The following FBXO47 variants were observed in gnomAD, a reference collection of about 807,000 sequenced individuals.
FBXO47 encodes F-box protein 47.
In FBXO47, 34 loss-of-function variants were observed where a neutral mutation model predicts 53.9. The observed-to-expected ratio is 0.63, with a 90% CI of 0.48 to 0.84. The LOEUF (loss-of-function observed/expected upper bound fraction) is 0.84, where lower values mean the gene tolerates loss of function less well. Among genes scored for constraint, FBXO47 ranks in the 40% least tolerant of loss-of-function variants. The pLI, the probability that FBXO47 is intolerant of heterozygous loss-of-function variation, is 0.00. For missense variants in FBXO47, 485 were observed against 541.3 expected (o/e 0.90, Z 1.03); for synonymous variants, 165 against 181.6 (o/e 0.91, Z 0.73).
At chr17:38,954,765 CTTTA>C in intron 5 of FBXO47, 87 bp downstream of exon 5, 1 of 672,668 alleles carries the variant, frequency 1.5e-6, no homozygotes. Flanking sequence ...ATTATTATAA[CTTTA>C]TTAACCTATG....
At chr17:38,941,509 G>A in intron 9 of FBXO47, among the ~76,000 whole-genome samples, 1 of 150,714 alleles carries the variant, frequency 6.6e-6, no homozygotes, top group Admixed American at 6.6e-5. Context: ...GGGTCTTGCT[G>A]TGTTTTCCAG....
At chr17:38,954,667 C>G (rs888623621) in intron 5 of FBXO47, among the ~76,000 whole-genome samples, 189 bp downstream of exon 5, 7 of 152,066 alleles carry the variant, frequency 4.6e-5, no homozygotes, top group Admixed American at 3.3e-4. Flanking sequence ...TTTTTTACCA[C>G]TGAGAAACTC....
chr17:38,965,392 A>T (rs952887134), intron 1 of FBXO47, among the ~76,000 whole-genome samples: 1 of 152,198 alleles, frequency 6.6e-6, no homozygotes, highest in African/African-American at 2.4e-5. Flanking sequence ...ATTGTTACTT[A>T]TACATCTTGA....
At chr17:38,952,053 G>A (rs1413931001) in intron 5 of FBXO47, among the ~76,000 whole-genome samples, 1 of 151,618 alleles carries the variant, frequency 6.6e-6, no homozygotes, top group Non-Finnish European at 1.5e-5. Flanking sequence ...CAGGCCGGGT[G>A]CGGTGGCTCA....
rs555133105 is a variant in FBXO47 at position 38,945,233 on chromosome 17, G to A, written c.617-97C>T. 47 of 832,168 alleles carry A rather than the reference G, an allele frequency of 5.6e-5. No homozygotes were observed. In the African/African-American group the frequency reaches 7.3e-4, roughly 13 times the overall value. 51.5% of individuals were successfully genotyped at this position (832,168 alleles called of 1,614,324 possible). On this transcript the variant is annotated intron_variant, in intron 6 of 10. Coordinates refer to ENST00000378079, the MANE Select transcript of FBXO47 (RefSeq NM_001008777.3). ...CAACTTATTAATCATTATGGTTAGT[G>A]ATAGTAAACTAGGTTTCTAAACAGG...
intron 6 of FBXO47, among the ~76,000 whole-genome samples, chr17:38,945,851 G>C (rs1398882500): frequency 1.3e-5 from 2 of 149,204 alleles, no homozygotes; most frequent in African/African-American, 2.5e-5. Flanking sequence ...CAGGAGAATG[G>C]CGTTAACCCG....
rs1318985991 is a variant in FBXO47, at chr17:38,938,634, C to T, written c.1182G>A (p.Leu394=). 1 of 1,613,714 alleles carries T rather than the reference C, an allele frequency of 6.2e-7. No homozygotes were observed. Among genetic ancestry groups the T allele is most frequent in the Non-Finnish European group, 8.5e-7 (1 of 1,179,814 alleles). The change falls in exon 10 of 11, where the codon CTG becomes CTA. Residue 394 remains leucine, a synonymous_variant. Transcript: ENST00000378079. ...ATGCAAATGCATTTGCCACATTCTG[C>T]AGGAAGTTCTTTCTTTCCACTGGAG... The part of the protein sequence containing the change: ...FSTPVERKNF[L]QNVANAFACV...
At chr17:38,943,328 G>C (rs1394734633) in intron 8 of FBXO47, among the ~76,000 whole-genome samples, 2 of 152,014 alleles carry the variant, frequency 1.3e-5, no homozygotes, top group African/African-American at 4.8e-5. Flanking sequence ...TACAACATGG[G>C]AGTAATTGAG....
chr17:38,962,369 A>T (rs1905854129), intron 2 of FBXO47, among the ~76,000 whole-genome samples: 1 of 152,150 alleles, frequency 6.6e-6, no homozygotes, highest in African/African-American at 2.4e-5. Context: ...TAATCCCAGT[A>T]CTTTGGGAGG....
At chr17:38,963,191 T>C (rs1905909426) in intron 1 of FBXO47, 140 bp from the exon 2 acceptor site, 2 of 546,710 alleles carry the variant, frequency 3.7e-6, no homozygotes, top group Non-Finnish European at 6.4e-6. Flanking sequence ...TTTTGGTTTT[T>C]TTTTGAGACG....
At chr17:38,958,231 C>T (rs578167021) in intron 3 of FBXO47, among the ~76,000 whole-genome samples, 1 of 152,252 alleles carries the variant, frequency 6.6e-6, no homozygotes, top group African/African-American at 2.4e-5. Context: ...ATCCTTCCAC[C>T]TTGACCTCCC....
chr17:38,944,375 T>C (rs2143897042), intron 7 of FBXO47, among the ~76,000 whole-genome samples: 1 of 151,676 alleles, frequency 6.6e-6, no homozygotes, highest in Admixed American at 6.6e-5. Flanking sequence ...GAGACCATCC[T>C]GGATAACACG....
intron 8 of FBXO47, among the ~76,000 whole-genome samples, chr17:38,943,239 A>C (rs1451251964): frequency 1.3e-5 from 2 of 152,228 alleles, no homozygotes; most frequent in Admixed American, 1.3e-4. Flanking sequence ...TTATGCAGGA[A>C]TAGGAATAAT....
rs117689087 is a variant in FBXO47, at chr17:38,949,119, T to C, written c.616+2462A>G. ...TTTTGGCTACTATGAATAATGCTGC[T>C]ATTAACATTCATGTAGGCCAGGCAT... On this transcript the variant is annotated intron_variant, in intron 6 of 10. Coordinates refer to ENST00000378079, the MANE Select transcript of FBXO47 (RefSeq NM_001008777.3). Among the ~76,000 whole-genome samples the C allele has an allele frequency of 6.2e-3, 938 of 152,216 alleles. 4 individuals carry two copies. Among genetic ancestry groups the C allele is most frequent in the Non-Finnish European group, 0.01 (712 of 68,014 alleles).
chr17:38,950,735 A>C (rs536852967), intron 6 of FBXO47, among the ~76,000 whole-genome samples: 44 of 152,174 alleles, frequency 2.9e-4, no homozygotes, highest in Non-Finnish European at 4.4e-4. Flanking sequence ...AGGATGCTAT[A>C]ATGAGCTCCT....
At chr17:38,943,038 T>C (rs1904583055) in intron 8 of FBXO47, 118 bp from the exon 9 acceptor site, 4 of 956,688 alleles carry the variant, frequency 4.2e-6, no homozygotes, top group Non-Finnish European at 6.1e-6. Flanking sequence ...CCAAGGGAAA[T>C]GCTCAGAAAA....
intron 6 of FBXO47, among the ~76,000 whole-genome samples, chr17:38,946,295 AAAATATATATAAATATAT>A (rs1392132435): frequency 0.29 from 21,816 of 75,952 alleles, 3,903 homozygotes; most frequent in South Asian, 0.36. Flanking sequence ...TAAATATATA[AAAATATATATAAATATAT>A]AAATATATAT....
chr17:38,943,568 T>C, intron 8 of FBXO47, 22 bp downstream of exon 8: 2 of 1,440,234 alleles, frequency 1.4e-6, no homozygotes, highest in Non-Finnish European at 1.9e-6. Flanking sequence ...TATTATTCTA[T>C]GTTAGTAAAT....
chr17:38,961,918 C>T lies in FBXO47; in HGVS notation c.311G>A (p.Arg104Lys). 6.2e-7 allele frequency: 1 copy of T among 1,614,044 alleles called. No homozygotes were observed. Among genetic ancestry groups the T allele is most frequent in the Non-Finnish European group, 8.5e-7 (1 of 1,179,980 alleles). The change falls in exon 3 of 11, where the codon AGG (arginine) becomes AAG (lysine). Residue 104 changes from arginine (R) to lysine (K), a missense_variant. Physicochemically the swap from Arg to Lys is conservative, Grantham distance 26 (BLOSUM62 2). Transcript: ENST00000378079. ...CTCCAGTATAGCAGAGTCTTGTCTCCTGTCAGGCAGCTCAAGGTTATGAAA... is the reference window on the plus strand; with the variant it reads ...CTCCAGTATAGCAGAGTCTTGTCTCTTGTCAGGCAGCTCAAGGTTATGAAA... ...QDFHNLELPD[R>K]RQDSAILEHY...
Sources: gnomAD v4.1 joint callset for allele counts (sites outside exome capture counted in the v4.1 genomes callset) on GRCh38, gnomAD v4.1.1 for gene constraint, MANE v1.5 for transcripts, NCBI Gene and HGNC (gene_info 2026-07-23, HGNC 2026-07-21) for gene names.